AGBL1: variants seen among roughly 807,000 people sequenced by gnomAD.
AGBL1 encodes the protein AGBL carboxypeptidase 1.
A neutral mutation model predicts 118.9 loss-of-function variants in AGBL1; 130 were observed. That is an observed-to-expected ratio of 1.09 (90% CI 0.95 to 1.26). AGBL1 has a LOEUF of 1.26. Among genes scored for constraint, AGBL1 ranks in the 50% most tolerant of loss-of-function variants. The pLI is 0.00. For synonymous variants in AGBL1, 555 were observed against 478.9 expected, an observed-to-expected ratio of 1.16 and a Z score of -2.08; for missense variants, 1,584 against 1,298.1, an observed-to-expected ratio of 1.22 and a Z score of -3.38.
At chr15:86,138,807 C>A (rs183671839) in intron 1 of AGBL1, among the ~76,000 whole-genome samples, 1 of 152,156 alleles carries the variant, frequency 6.6e-6, no homozygotes, top group Non-Finnish European at 1.5e-5. Flanking sequence ...TTTCCAAAGG[C>A]TTTTATGCCC....
At chr15:86,546,264 C>G in intron 20 of AGBL1, 131 bp downstream of exon 20, 1 of 1,104,404 alleles carries the variant, frequency 9.1e-7, no homozygotes, top group Non-Finnish European at 1.2e-6. Flanking sequence ...TTATTCTAAC[C>G]ATAGGATTGT....
At chr15:86,335,638 C>A (rs556814446) in intron 17 of AGBL1, among the ~76,000 whole-genome samples, 4 of 152,138 alleles carry the variant, frequency 2.6e-5, no homozygotes, top group African/African-American at 9.6e-5. Flanking sequence ...TTGGAAGAAA[C>A]CAAAGATAAA....
intron 21 of AGBL1, among the ~76,000 whole-genome samples, chr15:86,646,010 G>C (rs1596333854): frequency 6.6e-6 from 1 of 152,138 alleles, no homozygotes; most frequent in Non-Finnish European, 1.5e-5. Context: ...GGAATATTTT[G>C]TATAACTCCT....
At chr15:86,181,872 C>T (rs1253213962) in intron 5 of AGBL1, among the ~76,000 whole-genome samples, 1 of 151,934 alleles carries the variant, frequency 6.6e-6, no homozygotes, top group African/African-American at 2.4e-5. Flanking sequence ...TCAGTACTAT[C>T]TAGTCGAAAA....
intron 21 of AGBL1, among the ~76,000 whole-genome samples, chr15:86,620,879 G>C (rs1003111755): frequency 6.6e-6 from 1 of 151,356 alleles, no homozygotes; most frequent in South Asian, 2.1e-4. Flanking sequence ...CTCTCTTCAC[G>C]GCTCTTTTTC....
chr15:86,627,927 C>T (rs1442986443), intron 21 of AGBL1, among the ~76,000 whole-genome samples: 2 of 152,170 alleles, frequency 1.3e-5, no homozygotes, highest in African/African-American at 2.4e-5. Context: ...CAGCGTCCTG[C>T]CCATCAAAGG....
At chr15:86,194,837 CT>C (rs1211997709) in intron 5 of AGBL1, among the ~76,000 whole-genome samples, 1 of 152,120 alleles carries the variant, frequency 6.6e-6, no homozygotes, top group African/African-American at 2.4e-5. Flanking sequence ...CCTGAATAAG[CT>C]AGCAAGGTCT....
Position 86,674,215 on chromosome 15 carries a change from T to G in AGBL1, c.2995-58T>G, listed in dbSNP as rs778932030. The G allele has an allele frequency of 6.1e-4, 906 of 1,496,666 alleles. No homozygotes were observed. The highest frequency in any genetic ancestry group is 7.6e-4 in the Non-Finnish European group (839 of 1,098,274). 92.7% of individuals were successfully genotyped at this position (1,496,666 alleles called of 1,614,324 possible). On this transcript the variant is annotated intron_variant, in intron 21 of 22. Coordinates refer to ENST00000614907, the MANE Select transcript of AGBL1 (RefSeq NM_001386094.1). ...GAAGTCCTTCTTCCTAATTTCAAAG[T>G]GTCACCACTCAGCTCCCATTATACG...
In AGBL1 at chr15:86,429,379, G is replaced by A. The variant is rs200126041; in HGVS notation, c.2555+31833G>A. On this transcript the variant is annotated intron_variant, in intron 18 of 22. Transcript: ENST00000614907. ...TTCCAAGACTCCACCTTAGCAACAT[G>A]GACGTATGATGAATAGAAAAGAATA... 1.1e-4 allele frequency among the ~76,000 whole-genome samples: 16 copies of A among 152,242 alleles called. No homozygotes were observed. The East Asian group carries it at 3.1e-3, about 29-fold the overall frequency.
At chr15:86,973,952 A>G (rs2081138760) in intron 23 of AGBL1, among the ~76,000 whole-genome samples, 1 of 143,536 alleles carries the variant, frequency 7.0e-6, no homozygotes, top group Non-Finnish European at 1.5e-5. Flanking sequence ...TTAATATATT[A>G]AATATAAACA....
chr15:86,593,681 C>A (rs1255794515), intron 21 of AGBL1, among the ~76,000 whole-genome samples: 1 of 152,102 alleles, frequency 6.6e-6, no homozygotes, highest in Non-Finnish European at 1.5e-5. Context: ...AAAGTATATA[C>A]CACTGAAATC....
chr15:86,637,734 A>T (rs1367462347), intron 21 of AGBL1, among the ~76,000 whole-genome samples: 2 of 152,116 alleles, frequency 1.3e-5, no homozygotes, highest in Non-Finnish European at 2.9e-5. Context: ...GGTAGAATCA[A>T]CAAGACTTGA....
chr15:86,355,262 T>G (rs1423750073), intron 17 of AGBL1, among the ~76,000 whole-genome samples: 3 of 152,218 alleles, frequency 2.0e-5, no homozygotes, highest in Non-Finnish European at 2.9e-5. Flanking sequence ...TATATGTTCT[T>G]CTTTAGTGTG....
rs943922583 is a variant in AGBL1 at position 86,935,454 on chromosome 15, C to T, written c.3222-52533C>T. On this transcript the variant is annotated intron_variant, in intron 23 of 24. Transcript: ENST00000441037. Reference sequence around the variant, plus strand: ...ACAAATTCTAGGCTAGGAGGCAAGCCAGCTAATGAGTGACATTTCCCCATG... The same window carrying T: ...ACAAATTCTAGGCTAGGAGGCAAGCTAGCTAATGAGTGACATTTCCCCATG... 9.2e-5 allele frequency among the ~76,000 whole-genome samples: 14 copies of T among 152,244 alleles called. No individual in the cohort carries two copies. In the South Asian group the frequency reaches 1.0e-3, roughly 11 times the overall value.
intron 22 of AGBL1, among the ~76,000 whole-genome samples, chr15:86,775,185 G>C (rs1419516700): frequency 6.6e-6 from 1 of 152,136 alleles, no homozygotes; most frequent in Non-Finnish European, 1.5e-5. Context: ...AGAGGCTAGA[G>C]ACAGGGAGGT....
chr15:87,012,730 G>A (rs1429883024), intron 24 of AGBL1, among the ~76,000 whole-genome samples: 1 of 151,804 alleles, frequency 6.6e-6, no homozygotes, highest in Non-Finnish European at 1.5e-5. Context: ...GGCATTTGGA[G>A]CAGTACAGCA....
At position 86,572,167 on chromosome 15, in the gene AGBL1, A is replaced by C. The variant is rs1186859285; in HGVS notation, c.2994+17630A>C. Among the ~76,000 whole-genome samples the C allele has an allele frequency of 3.3e-5, 5 of 152,156 alleles. No individual in the cohort carries two copies. The South Asian group carries it at 8.3e-4, about 25-fold the overall frequency. On this transcript the variant is annotated intron_variant, in intron 21 of 22. Coordinates refer to ENST00000614907, the MANE Select transcript of AGBL1 (RefSeq NM_001386094.1). ...GAGAAGGCAGGCAGTGGGAGCAGGC[A>C]CTTCCGGGCCCGCAGGGGGAAGTGC...
intron 23 of AGBL1, among the ~76,000 whole-genome samples, chr15:86,934,041 A>T (rs2080636533): frequency 1.3e-5 from 2 of 152,248 alleles, no homozygotes; most frequent in Non-Finnish European, 2.9e-5. Context: ...AGTTATAGAA[A>T]CAAAATAATA....
chr15:86,567,661 T>A (rs2083935631), intron 21 of AGBL1, among the ~76,000 whole-genome samples: 1 of 152,216 alleles, frequency 6.6e-6, no homozygotes, highest in Non-Finnish European at 1.5e-5. Context: ...TTTTTTTTGA[T>A]CTTTGAATGG....
Sources: allele counts gnomAD v4.1 joint callset (sites outside exome capture counted in the v4.1 genomes callset), GRCh38; gene constraint gnomAD v4.1.1; transcripts MANE v1.5; gene names NCBI Gene and HGNC (gene_info 2026-07-23, HGNC 2026-07-21).